Variants in RASEF observed in about 807,000 individuals in gnomAD.
The protein encoded by RASEF is ras and EF-hand domain-containing protein.
A neutral mutation model predicts 90.1 loss-of-function variants in RASEF; 68 were observed. The observed-to-expected ratio is 0.75, with a 90% CI of 0.62 to 0.92. The LOEUF (loss-of-function observed/expected upper bound fraction) is 0.92. RASEF is among the 40% of genes least tolerant of loss of function. The pLI, the probability that RASEF is intolerant of heterozygous loss-of-function variation, is 0.00. For missense variants in RASEF, 949 were observed against 937.2 expected (o/e 1.01, Z -0.16); for synonymous variants, 331 against 345.2 (o/e 0.96, Z 0.46).
At chr9:83,079,081 C>A in the RASEF span, among the ~76,000 whole-genome samples, 1 of 152,056 alleles carries the variant, frequency 6.6e-6, no homozygotes, top group Non-Finnish European at 1.5e-5. Context: ...TCAATTTTTG[C>A]TTTTGTCGCG....
chr9:83,186,328 T>C, the RASEF span, among the ~76,000 whole-genome samples: 1 of 152,184 alleles, frequency 6.6e-6, no homozygotes, highest in Non-Finnish European at 1.5e-5. Flanking sequence ...AGTCCCTTGT[T>C]AGAAATGCGT....
In RASEF at chr9:83,016,040, G is replaced by A. The variant is rs556949067; in HGVS notation, c.670-140C>T. The A allele has an allele frequency of 2.5e-5, 16 of 640,630 alleles. No homozygotes were observed. The East Asian group carries it at 4.3e-4, about 17-fold the overall frequency. 39.7% of individuals were successfully genotyped at this position (640,630 alleles called of 1,614,324 possible). ...ACAGGGAAGGTGAGAAAGGATATCA[G>A]AAGGAAACCAATTGACTTCAGATGT... On this transcript the variant is annotated intron_variant, in intron 3 of 16. Coordinates refer to ENST00000376447, the MANE Select transcript of RASEF (RefSeq NM_152573.4).
chr9:83,148,461 G>T, the RASEF span, among the ~76,000 whole-genome samples: 1 of 152,162 alleles, frequency 6.6e-6, no homozygotes, highest in Admixed American at 6.5e-5. Context: ...CAGAGTCTGA[G>T]GTGATGCTTT....
the RASEF span, among the ~76,000 whole-genome samples, chr9:83,075,377 A>T: frequency 6.6e-6 from 1 of 152,218 alleles, no homozygotes; most frequent in Admixed American, 6.5e-5. Context: ...ACTTATAAAA[A>T]GCCTCAAAGT....
chr9:83,196,236 C>T, the RASEF span, among the ~76,000 whole-genome samples: 1 of 152,078 alleles, frequency 6.6e-6, no homozygotes, highest in Non-Finnish European at 1.5e-5. Context: ...GCTGCGAAAA[C>T]CTGGTCTCCC....
intron 1 of RASEF, among the ~76,000 whole-genome samples, chr9:83,030,318 C>T (rs917353712): frequency 1.1e-4 from 17 of 151,484 alleles, no homozygotes; most frequent in African/African-American, 3.6e-4. Flanking sequence ...GATCATGTTA[C>T]TGCACTCCAG....
chr9:83,056,948 A>G (rs1830113289), intron 1 of RASEF, among the ~76,000 whole-genome samples: 1 of 152,242 alleles, frequency 6.6e-6, no homozygotes, highest in Non-Finnish European at 1.5e-5. Context: ...CTAGAAGTCC[A>G]AAATACCTTT....
chr9:83,060,096 T>C (rs1830179028), intron 1 of RASEF, among the ~76,000 whole-genome samples: 1 of 152,056 alleles, frequency 6.6e-6, no homozygotes, highest in Non-Finnish European at 1.5e-5. Context: ...TATCCGTTCC[T>C]CTCAAACTGG....
chr9:83,059,181 T>C (rs144048148), intron 1 of RASEF, among the ~76,000 whole-genome samples: 1 of 149,446 alleles, frequency 6.7e-6, no homozygotes, highest in African/African-American at 2.5e-5. Context: ...CAAATGGGAG[T>C]TGAGAAAAAA....
the RASEF span, among the ~76,000 whole-genome samples, chr9:83,112,827 TTG>T: frequency 2.0e-5 from 3 of 152,242 alleles, no homozygotes; most frequent in South Asian, 2.1e-4. Flanking sequence ...TTGGGTTTTT[TTG>T]TTTTTTGTTT....
chr9:83,122,836 C>T, the RASEF span, among the ~76,000 whole-genome samples: 1 of 152,126 alleles, frequency 6.6e-6, no homozygotes, highest in Non-Finnish European at 1.5e-5. Context: ...AGTGCACAAA[C>T]ACAGCAGTGA....
intron 1 of RASEF, among the ~76,000 whole-genome samples, chr9:83,060,777 T>C (rs1257331679): frequency 2.6e-5 from 4 of 152,156 alleles, no homozygotes; most frequent in Non-Finnish European, 5.9e-5. Context: ...AAGACAAATA[T>C]TGTACTTGTT....
At chr9:83,005,561 C>G in intron 7 of RASEF, 61 bp from the exon 8 acceptor site, 1 of 1,223,358 alleles carries the variant, frequency 8.2e-7, no homozygotes, top group East Asian at 2.3e-5. Context: ...GGGTCACTGT[C>G]ATCACTTTCT....
At chr9:83,200,200 AG>A in the RASEF span, among the ~76,000 whole-genome samples, 2 of 152,144 alleles carry the variant, frequency 1.3e-5, no homozygotes, top group Non-Finnish European at 2.9e-5. Context: ...GTTTGAGGCC[AG>A]GCTGACTAAC....
At chr9:83,048,753 T>G (rs1191019699) in intron 1 of RASEF, 3 of 983,584 alleles carry the variant, frequency 3.1e-6, no homozygotes, top group Non-Finnish European at 3.6e-6. Context: ...AACACTTATG[T>G]TTTCCGTCCT....
rs1406465073 is a variant in RASEF, at chr9:83,053,196, A to T, written c.431+9241T>A. 4.3e-5 allele frequency among the ~76,000 whole-genome samples: 3 copies of T among 69,440 alleles called. 1 individual carries two copies. Among genetic ancestry groups the T allele is most frequent in the Non-Finnish European group, 7.5e-5 (3 of 39,882 alleles). The allele number at this position is 69,440 out of a possible 152,430, so 45.6% of individuals were successfully genotyped here. On this transcript the variant is annotated intron_variant, in intron 1 of 16. Transcript: ENST00000376447. Reference sequence around the variant, plus strand: ...GGGAGTCTAAGTCTCTTTGTAGGTCACTCAGGACTTGCTTTATGAATCTGG... The same window carrying T: ...GGGAGTCTAAGTCTCTTTGTAGGTCTCTCAGGACTTGCTTTATGAATCTGG...
the RASEF span, among the ~76,000 whole-genome samples, chr9:83,144,391 G>GAAAGAAAGGAAA: frequency 2.4e-4 from 8 of 33,228 alleles, no homozygotes; most frequent in East Asian, 9.9e-4. Context: ...AAGAAAGAAA[G>GAAAGAAAGGAAA]GAAAGAAAGA....
At chr9:83,116,515 G>A in the RASEF span, among the ~76,000 whole-genome samples, 1 of 152,138 alleles carries the variant, frequency 6.6e-6, no homozygotes, top group African/African-American at 2.4e-5. Context: ...AACAGTATGA[G>A]CTACAGGGAT....
chr9:83,195,570 G>A, the RASEF span, among the ~76,000 whole-genome samples: 2 of 152,182 alleles, frequency 1.3e-5, no homozygotes, highest in African/African-American at 4.8e-5. Context: ...CGATACAGCA[G>A]TGGAAAAACA....
Sources: gnomAD v4.1 joint callset for allele counts (sites outside exome capture counted in the v4.1 genomes callset) on GRCh38, gnomAD v4.1.1 for gene constraint, MANE v1.5 for transcripts, NCBI Gene and HGNC (gene_info 2026-07-23, HGNC 2026-07-21) for gene names.